The following FAT3 variants were observed in gnomAD, a reference collection of about 807,000 sequenced individuals.
FAT3 encodes FAT atypical cadherin 3, also known as protocadherin Fat 3.
FAT3 carries 95 observed loss-of-function variants against 310.2 expected under a neutral mutation model. That is an observed-to-expected ratio of 0.31 (90% CI 0.26 to 0.36). The LOEUF (loss-of-function observed/expected upper bound fraction) is 0.36, where lower values mean the gene tolerates loss of function less well. FAT3 is among the 10% of genes least tolerant of loss of function. The pLI, the probability that FAT3 is intolerant of heterozygous loss-of-function variation, is 1.00. For synonymous variants in FAT3, 2,314 were observed against 2,192.9 expected (o/e 1.06, Z -1.54); for missense variants, 5,408 against 5,715.6 (o/e 0.95, Z 1.74).
Position 92,355,304 on chromosome 11 carries a change from G to T in FAT3, c.3192G>T (p.Gln1064His). The change falls in exon 2 of 28, where the codon CAG (glutamine) becomes CAT (histidine). Residue 1064 changes from glutamine (Q) to histidine (H), a missense_variant. Physicochemically the swap from Gln to His is conservative, Grantham distance 24. Coordinates refer to ENST00000525166, the MANE Select transcript of FAT3 (RefSeq NM_001367949.2). ...ENSRIGTSVL[Q>H]VTARDEDSGR... ...CACGCATTGGAACAAGCGTGCTGCAGGTGACTGCTCGAGATGAAGACTCCG... is the reference window on the plus strand; with the variant it reads ...CACGCATTGGAACAAGCGTGCTGCATGTGACTGCTCGAGATGAAGACTCCG... The T allele has an allele frequency of 6.2e-7, 1 of 1,613,820 alleles. No individual in the cohort carries two copies.
At chr11:92,648,298 A>G (rs1942237837) in intron 3 of FAT3, among the ~76,000 whole-genome samples, 1 of 152,270 alleles carries the variant, frequency 6.6e-6, no homozygotes, top group South Asian at 2.1e-4. Flanking sequence ...ATAGTCATTG[A>G]CCCCACTGAA....
At chr11:92,453,501 A>G (rs1485435748) in intron 2 of FAT3, among the ~76,000 whole-genome samples, 1 of 152,062 alleles carries the variant, frequency 6.6e-6, no homozygotes, top group Non-Finnish European at 1.5e-5. Context: ...TTTGTAAAAA[A>G]GAAAGAAAAG....
chr11:92,235,054 G>A (rs1350788029), intron 1 of FAT3, among the ~76,000 whole-genome samples: 1 of 150,594 alleles, frequency 6.6e-6, no homozygotes, highest in Non-Finnish European at 1.5e-5. Context: ...CTGGGTGGCA[G>A]AGCAAGACTC....
chr11:92,386,528 C>A (rs2134788457), intron 2 of FAT3, among the ~76,000 whole-genome samples: 1 of 152,336 alleles, frequency 6.6e-6, no homozygotes, highest in African/African-American at 2.4e-5. Context: ...AGGAACTTCA[C>A]CCAGTGCGTG....
intron 2 of FAT3, among the ~76,000 whole-genome samples, chr11:92,363,612 G>A (rs184801742): frequency 1.3e-5 from 2 of 152,092 alleles, no homozygotes; most frequent in African/African-American, 2.4e-5. Flanking sequence ...AGACTAAATG[G>A]CATCCCTGTC....
At chr11:92,326,407 G>C (rs1225481186) in intron 1 of FAT3, among the ~76,000 whole-genome samples, 6 of 152,202 alleles carry the variant, frequency 3.9e-5, no homozygotes, top group Non-Finnish European at 5.9e-5. Context: ...CAGGGAAAGA[G>C]TTGATCCTAA....
intron 2 of FAT3, among the ~76,000 whole-genome samples, chr11:92,508,396 C>G (rs1289902383): frequency 6.6e-6 from 1 of 151,974 alleles, no homozygotes; most frequent in Non-Finnish European, 1.5e-5. Flanking sequence ...TAAGGGGTAG[C>G]AAGTATGAGA....
chr11:92,701,432 T>C (rs1944093418), intron 4 of FAT3, among the ~76,000 whole-genome samples: 1 of 152,238 alleles, frequency 6.6e-6, no homozygotes, highest in Admixed American at 6.5e-5. Context: ...GTTGTCATTA[T>C]CAGAATCCAA....
intron 2 of FAT3, among the ~76,000 whole-genome samples, chr11:92,434,233 C>T (rs532360217): frequency 1.3e-5 from 2 of 152,222 alleles, no homozygotes; most frequent in East Asian, 3.9e-4. Context: ...GTTCATGTTC[C>T]TCATTGACAG....
In FAT3 at chr11:92,367,602, G is replaced by C. The variant is rs556496125; in HGVS notation, c.3292+12198G>C. Among the ~76,000 whole-genome samples, 18 of 152,216 alleles carry C rather than the reference G, an allele frequency of 1.2e-4. No individual in the cohort carries two copies. In the East Asian group the frequency reaches 3.3e-3, roughly 28 times the overall value. On this transcript the variant is annotated intron_variant, in intron 2 of 27. Transcript: ENST00000525166. Reference sequence around the variant, plus strand: ...GCTATGATCATGCCACTACAATCCAGCTTGGATGACAGAGTGAGACCTTGC... The same window carrying C: ...GCTATGATCATGCCACTACAATCCACCTTGGATGACAGAGTGAGACCTTGC...
chr11:92,804,522 A>G (rs1027567313), intron 10 of FAT3, among the ~76,000 whole-genome samples: 14 of 151,832 alleles, frequency 9.2e-5, no homozygotes, highest in African/African-American at 3.4e-4. Flanking sequence ...CTTTTCTTCC[A>G]TGTTCCCCAG....
In FAT3 at chr11:92,336,318, T is replaced by C. The variant is rs1591127454; in HGVS notation, c.-17-15778T>C. Reference sequence around the variant, plus strand: ...CTCATAGAAGTTTTTGTCCTCAGGATCTGGGTCCTCCTGCCAATGTACGGT... The same window carrying C: ...CTCATAGAAGTTTTTGTCCTCAGGACCTGGGTCCTCCTGCCAATGTACGGT... On this transcript the variant is annotated intron_variant, in intron 1 of 27. Coordinates refer to ENST00000525166, the MANE Select transcript of FAT3 (RefSeq NM_001367949.2). 6.7e-6 allele frequency: 3 copies of C among 447,912 alleles called. No homozygotes were observed. In the East Asian group the frequency reaches 1.6e-4, roughly 24 times the overall value. 27.7% of individuals were successfully genotyped at this position (447,912 alleles called of 1,614,324 possible).
chr11:92,299,156 G>C (rs936136078), intron 1 of FAT3, among the ~76,000 whole-genome samples: 3 of 152,076 alleles, frequency 2.0e-5, no homozygotes, highest in African/African-American at 4.8e-5. Context: ...CCAAAGTCCA[G>C]AGACAGAAGG....
chr11:92,687,072 C>A (rs1943656128), intron 3 of FAT3, among the ~76,000 whole-genome samples: 1 of 152,084 alleles, frequency 6.6e-6, no homozygotes, highest in Non-Finnish European at 1.5e-5. Context: ...ATAAGGTTTT[C>A]CTTTTTAATA....
intron 3 of FAT3, among the ~76,000 whole-genome samples, chr11:92,662,107 G>A (rs1942804781): frequency 6.6e-6 from 1 of 152,184 alleles, no homozygotes; most frequent in Non-Finnish European, 1.5e-5. Context: ...TACAGAAGGA[G>A]TTGTGTTTTA....
At chr11:92,763,909 TCATC>T (rs1298872799) in intron 5 of FAT3, among the ~76,000 whole-genome samples, 3 of 152,186 alleles carry the variant, frequency 2.0e-5, no homozygotes, top group African/African-American at 7.2e-5. Context: ...GGCAAAGCAA[TCATC>T]CATGAACACA....
chr11:92,841,013 C>T (rs1948534747), intron 18 of FAT3, among the ~76,000 whole-genome samples: 1 of 152,188 alleles, frequency 6.6e-6, no homozygotes, highest in Non-Finnish European at 1.5e-5. Context: ...CAGATGGTCA[C>T]TGGGCTTAAA....
At chr11:92,376,261 G>A (rs1397621078) in intron 2 of FAT3, among the ~76,000 whole-genome samples, 3 of 152,150 alleles carry the variant, frequency 2.0e-5, no homozygotes, top group Non-Finnish European at 4.4e-5. Flanking sequence ...GGGAAAGAGA[G>A]GCTTCTGCAT....
chr11:92,396,080 C>A (rs944851678), intron 2 of FAT3, among the ~76,000 whole-genome samples: 8 of 152,194 alleles, frequency 5.3e-5, no homozygotes, highest in African/African-American at 1.9e-4. Flanking sequence ...CATCCAGACC[C>A]TGTCAATGTT....
Sources: gnomAD v4.1 joint callset for allele counts (sites outside exome capture counted in the v4.1 genomes callset) on GRCh38, gnomAD v4.1.1 for gene constraint, MANE v1.5 for transcripts, NCBI Gene and HGNC (gene_info 2026-07-23, HGNC 2026-07-21) for gene names.